Variants in ZNF536 observed in about 807,000 individuals in gnomAD.
ZNF536 encodes zinc finger protein 536.
ZNF536 carries 13 observed loss-of-function variants against 84.5 expected under a neutral mutation model. The observed-to-expected ratio is 0.15, with a 90% confidence interval of 0.10 to 0.24. The LOEUF (loss-of-function observed/expected upper bound fraction) is 0.24, where lower values mean the gene tolerates loss of function less well. Ranked by LOEUF, ZNF536 falls within the 10% of genes least tolerant of loss-of-function variation. ZNF536 has a pLI of 1.00. For synonymous variants in ZNF536, 811 were observed against 742.5 expected, an observed-to-expected ratio of 1.09 and a Z score of -1.50; for missense variants, 1,536 against 1,747.5, an observed-to-expected ratio of 0.88 and a Z score of 2.16.
intron 1 of ZNF536, among the ~76,000 whole-genome samples, chr19:30,700,622 A>G (rs2051900437): frequency 1.3e-5 from 2 of 152,206 alleles, no homozygotes; most frequent in South Asian, 4.1e-4. Context: ...CTTGGCCTCC[A>G]GCAATCCTCC....
chr19:30,563,315 T>C (rs2046238027), intron 1 of ZNF536, among the ~76,000 whole-genome samples: 1 of 152,188 alleles, frequency 6.6e-6, no homozygotes, highest in African/African-American at 2.4e-5. Flanking sequence ...GGGGAACCTA[T>C]ATGATAATTC....
chr19:30,386,271 G>C (rs1230548952), intron 1 of ZNF536, among the ~76,000 whole-genome samples: 1 of 152,170 alleles, frequency 6.6e-6, no homozygotes, highest in Non-Finnish European at 1.5e-5. Flanking sequence ...GCTCTGAGTG[G>C]AGTTAGCCCC....
At chr19:30,564,642 G>A (rs982419246) in intron 1 of ZNF536, among the ~76,000 whole-genome samples, 1 of 152,138 alleles carries the variant, frequency 6.6e-6, no homozygotes, top group Non-Finnish European at 1.5e-5. Context: ...CGCTCGGGCT[G>A]GAGCTCCAGC....
At chr19:30,612,732 C>G (rs2048144867) in intron 1 of ZNF536, among the ~76,000 whole-genome samples, 1 of 152,168 alleles carries the variant, frequency 6.6e-6, no homozygotes. Flanking sequence ...ACCTCATCCC[C>G]TTTGCCTAGG....
chr19:30,646,091 T>C (rs1445547073), intron 1 of ZNF536, among the ~76,000 whole-genome samples: 1 of 152,144 alleles, frequency 6.6e-6, no homozygotes, highest in Non-Finnish European at 1.5e-5. Context: ...ATTTCTGCCA[T>C]TATTTTTTCA....
At chr19:30,577,585 A>T (rs2046784796) in intron 1 of ZNF536, among the ~76,000 whole-genome samples, 1 of 152,108 alleles carries the variant, frequency 6.6e-6, no homozygotes, top group African/African-American at 2.4e-5. Context: ...AGCCTGGGTC[A>T]TTCTAGTTCT....
At chr19:30,365,547 A>T (rs924554554) in intron 3 of ZNF536, among the ~76,000 whole-genome samples, 2 of 152,180 alleles carry the variant, frequency 1.3e-5, no homozygotes, top group South Asian at 4.1e-4. Flanking sequence ...TGCCACTTCT[A>T]TGAATGCAGG....
chr19:30,643,995 G>A (rs1015891033), intron 1 of ZNF536, among the ~76,000 whole-genome samples: 3 of 152,154 alleles, frequency 2.0e-5, no homozygotes, highest in African/African-American at 4.8e-5. Context: ...TTCACGTTTC[G>A]ATCTCTGTTA....
At chr19:30,630,694 G>A (rs1164049574) in intron 1 of ZNF536, among the ~76,000 whole-genome samples, 1 of 152,162 alleles carries the variant, frequency 6.6e-6, no homozygotes, top group African/African-American at 2.4e-5. Flanking sequence ...TAGGGGCTGC[G>A]ACTGCTACCC....
At chr19:30,614,969 C>T (rs1298892758) in intron 1 of ZNF536, among the ~76,000 whole-genome samples, 18 of 7,124 alleles carry the variant, frequency 2.5e-3, no homozygotes, top group African/African-American at 7.6e-3. Flanking sequence ...TTTTTTGAGG[C>T]GGAGTTTCGC....
At chr19:30,366,289 G>A (rs6510155) in intron 3 of ZNF536, among the ~76,000 whole-genome samples, 109,411 of 151,958 alleles carry the variant, frequency 0.72, 39,837 homozygotes, top group Admixed American at 0.8. Flanking sequence ...ATGTTCTTCC[G>A]TGTCAGGCAA....
intron 1 of ZNF536, among the ~76,000 whole-genome samples, chr19:30,708,041 A>T (rs2052314661): frequency 6.6e-6 from 1 of 151,860 alleles, no homozygotes; most frequent in Non-Finnish European, 1.5e-5. Context: ...CCAAAAATGT[A>T]TAATTCCTTA....
At chr19:30,278,546 G>A (rs2045323850) in intron 1 of ZNF536, among the ~76,000 whole-genome samples, 2 of 152,162 alleles carry the variant, frequency 1.3e-5, no homozygotes, top group South Asian at 2.1e-4. Flanking sequence ...CAAGATGTCA[G>A]GGCATCAGAA....
chr19:30,655,660 C>T (rs906765353), intron 1 of ZNF536, among the ~76,000 whole-genome samples: 2 of 152,124 alleles, frequency 1.3e-5, no homozygotes, highest in African/African-American at 4.8e-5. Context: ...TTGGCTAAAA[C>T]CTAGGATTTT....
intron 1 of ZNF536, among the ~76,000 whole-genome samples, chr19:30,441,699 G>A (rs2148118162): frequency 6.6e-6 from 1 of 152,364 alleles, no homozygotes; most frequent in South Asian, 2.1e-4. Context: ...CAAGCTGGAA[G>A]CCTTCTCCTA....
intron 2 of ZNF536, among the ~76,000 whole-genome samples, chr19:30,479,484 G>A (rs747696207): frequency 2.6e-5 from 4 of 152,354 alleles, no homozygotes; most frequent in South Asian, 4.1e-4. Flanking sequence ...GGAATTGCTA[G>A]TTGGCTGCTG....
chr19:30,496,769 G>T (rs1222889443), intron 2 of ZNF536, among the ~76,000 whole-genome samples: 2 of 152,038 alleles, frequency 1.3e-5, no homozygotes, highest in Non-Finnish European at 2.9e-5. Flanking sequence ...ATGGTCCGGG[G>T]TTGGCCTCGA....
At chr19:30,365,117 T>C (rs1035445791) in intron 3 of ZNF536, among the ~76,000 whole-genome samples, 7 of 152,264 alleles carry the variant, frequency 4.6e-5, no homozygotes, top group Admixed American at 1.3e-4. Flanking sequence ...GCACAACTTA[T>C]GAAATGAACA....
At chr19:30,430,646 T>C (rs781658175) in intron 1 of ZNF536, among the ~76,000 whole-genome samples, 23 of 152,102 alleles carry the variant, frequency 1.5e-4, no homozygotes, top group Non-Finnish European at 2.6e-4. Flanking sequence ...ACAGGGGAAA[T>C]GATATGCATA....
Sources: gnomAD v4.1 joint callset for allele counts (sites outside exome capture counted in the v4.1 genomes callset) on GRCh38, gnomAD v4.1.1 for gene constraint, MANE v1.5 for transcripts, NCBI Gene and HGNC (gene_info 2026-07-23, HGNC 2026-07-21) for gene names.